The following ADGRB3 variants were observed in gnomAD, a reference collection of about 807,000 sequenced individuals.
ADGRB3 encodes the protein brain-specific angiogenesis inhibitor 3.
In ADGRB3, 37 loss-of-function variants were observed where a neutral mutation model predicts 193.4. The observed-to-expected ratio is 0.19, with a 90% confidence interval of 0.15 to 0.25. The LOEUF is 0.25. Ranked by LOEUF, ADGRB3 falls within the 10% of genes least tolerant of loss-of-function variation. ADGRB3 has a pLI of 1.00. For synonymous variants in ADGRB3, 690 were observed against 644.2 expected, an observed-to-expected ratio of 1.07 and a Z score of -1.08; for missense variants, 1,637 against 1,852.9, an observed-to-expected ratio of 0.88 and a Z score of 2.14.
At chr6:69,355,898 A>T (rs1033968201) in intron 28 of ADGRB3, 38 bp downstream of exon 28, 2 of 1,471,502 alleles carry the variant, frequency 1.4e-6, no homozygotes, top group African/African-American at 2.8e-5. Context: ...ATCAGTAGGG[A>T]TGTTCAATCA....
intron 17 of ADGRB3, among the ~76,000 whole-genome samples, chr6:69,224,313 A>G (rs939267852): frequency 5.3e-5 from 8 of 152,174 alleles, no homozygotes; most frequent in Non-Finnish European, 8.8e-5. Context: ...TGTCCAGATC[A>G]CTTGAAAACT....
intron 3 of ADGRB3, among the ~76,000 whole-genome samples, chr6:68,817,307 GTATATATA>G (rs60723627): frequency 0.024 from 1,067 of 43,584 alleles, 5 homozygotes; most frequent in East Asian, 0.04. Context: ...TTTTGTCCAT[GTATATATA>G]TATATATATA....
intron 20 of ADGRB3, among the ~76,000 whole-genome samples, chr6:69,272,781 G>C (rs544960077): frequency 1.3e-5 from 2 of 152,268 alleles, no homozygotes; most frequent in Admixed American, 1.3e-4. Context: ...TGGTGCTTTT[G>C]GGCAGCAGAG....
At chr6:68,961,858 A>G (rs1161961815) in intron 8 of ADGRB3, among the ~76,000 whole-genome samples, 2 of 152,180 alleles carry the variant, frequency 1.3e-5, no homozygotes, top group Admixed American at 6.5e-5. Context: ...TTAAGCACAA[A>G]TAGTACTTTT....
chr6:68,922,995 T>C (rs1010176696), intron 3 of ADGRB3, among the ~76,000 whole-genome samples: 2 of 152,170 alleles, frequency 1.3e-5, no homozygotes, highest in Admixed American at 1.3e-4. Flanking sequence ...TCTTAGTTCA[T>C]TTCTGAAAAA....
In ADGRB3 at chr6:68,920,774, A is replaced by G. The variant is rs1404581810; in HGVS notation, c.758-9785A>G. On this transcript the variant is annotated intron_variant, in intron 3 of 31. Coordinates refer to ENST00000370598, the MANE Select transcript of ADGRB3 (RefSeq NM_001704.3). ...ACAAAATGATAAATGAATCCAAAAAAGAAGACAAATGAAGAAACTAAAAAA... is the reference window on the plus strand; with the variant it reads ...ACAAAATGATAAATGAATCCAAAAAGGAAGACAAATGAAGAAACTAAAAAA... Among the ~76,000 whole-genome samples, 8 of 152,010 alleles carry G rather than the reference A, an allele frequency of 5.3e-5. No individual in the cohort carries two copies. The East Asian group carries it at 1.5e-3, about 29-fold the overall frequency.
intron 15 of ADGRB3, among the ~76,000 whole-genome samples, chr6:69,051,950 A>G (rs1212322782): frequency 1.3e-5 from 2 of 152,104 alleles, no homozygotes; most frequent in Non-Finnish European, 2.9e-5. Context: ...GCTGGAGTGC[A>G]GTGGCGCGAT....
chr6:68,686,992 G>A (rs1184792734), intron 3 of ADGRB3, among the ~76,000 whole-genome samples: 1 of 151,984 alleles, frequency 6.6e-6, no homozygotes, highest in East Asian at 1.9e-4. Context: ...TGAAAAACGT[G>A]CATTCAGTGA....
intron 10 of ADGRB3, among the ~76,000 whole-genome samples, chr6:68,988,720 C>T (rs1769148622): frequency 6.6e-6 from 1 of 152,028 alleles, no homozygotes; most frequent in Non-Finnish European, 1.5e-5. Context: ...GTCCTAAAGC[C>T]TTTGTGAGGA....
At chr6:68,991,982 T>G (rs1017688231) in intron 10 of ADGRB3, among the ~76,000 whole-genome samples, 1 of 152,116 alleles carries the variant, frequency 6.6e-6, no homozygotes, top group South Asian at 2.1e-4. Context: ...AAAGGTGTAC[T>G]TAGGGCATAA....
intron 3 of ADGRB3, among the ~76,000 whole-genome samples, chr6:68,737,431 A>T (rs2127337893): frequency 6.6e-6 from 1 of 152,294 alleles, no homozygotes; most frequent in Non-Finnish European, 1.5e-5. Flanking sequence ...TCCATTTTGA[A>T]TATAAGAACA....
chr6:69,040,675 CAAAAAAAAAAAAAAAAAA>C (rs869146684), intron 13 of ADGRB3, among the ~76,000 whole-genome samples: 16 of 19,518 alleles, frequency 8.2e-4, no homozygotes, highest in South Asian at 3.3e-3. Context: ...GACTGATGGA[CAAAAAAAAAAAAAAAAAA>C]AAAAAAAAAA....
chr6:69,063,166 A>T (rs184722037), intron 16 of ADGRB3, 130 bp downstream of exon 16: 1 of 591,226 alleles, frequency 1.7e-6, no homozygotes. Context: ...TGTTATGAGT[A>T]TGTGTATTAT....
intron 17 of ADGRB3, among the ~76,000 whole-genome samples, chr6:69,087,970 T>C (rs959463122): frequency 1.3e-5 from 2 of 152,180 alleles, no homozygotes; most frequent in African/African-American, 4.8e-5. Flanking sequence ...TATGGTCTGC[T>C]TCAAAAACTA....
At chr6:69,120,878 T>C (rs1773660457) in intron 17 of ADGRB3, among the ~76,000 whole-genome samples, 1 of 152,174 alleles carries the variant, frequency 6.6e-6, no homozygotes, top group Non-Finnish European at 1.5e-5. Flanking sequence ...GGAGTGGCTA[T>C]TTGAATTTAA....
At chr6:69,036,119 A>G (rs1770864057) in intron 13 of ADGRB3, among the ~76,000 whole-genome samples, 1 of 152,168 alleles carries the variant, frequency 6.6e-6, no homozygotes, top group Non-Finnish European at 1.5e-5. Flanking sequence ...CTTTCACTAC[A>G]TTGTAATCTC....
At chr6:69,026,502 G>A (rs1770435939) in intron 13 of ADGRB3, among the ~76,000 whole-genome samples, 2 of 152,180 alleles carry the variant, frequency 1.3e-5, no homozygotes, top group Non-Finnish European at 2.9e-5. Flanking sequence ...AGGAAATGAA[G>A]TCAGAAAGGG....
intron 3 of ADGRB3, among the ~76,000 whole-genome samples, chr6:68,716,165 G>A (rs891998760): frequency 1.3e-4 from 20 of 151,674 alleles, no homozygotes; most frequent in Admixed American, 5.3e-4. Context: ...AATAAAATCT[G>A]TAGTTTCTTC....
At chr6:68,746,643 T>C (rs1471447729) in intron 3 of ADGRB3, among the ~76,000 whole-genome samples, 1 of 151,960 alleles carries the variant, frequency 6.6e-6, no homozygotes, top group Non-Finnish European at 1.5e-5. Flanking sequence ...CCATTTCTAA[T>C]AGGGCCTTTT....
Sources: gnomAD v4.1 joint callset for allele counts (sites outside exome capture counted in the v4.1 genomes callset) on GRCh38, gnomAD v4.1.1 for gene constraint, MANE v1.5 for transcripts, NCBI Gene and HGNC (gene_info 2026-07-23, HGNC 2026-07-21) for gene names.